FOXP4: variants seen among roughly 807,000 people sequenced by gnomAD.
FOXP4 encodes the protein forkhead box P4.
FOXP4 carries 25 observed loss-of-function variants against 82.6 expected under a neutral mutation model. The ratio of observed to expected loss-of-function variants is 0.30; its 90% CI spans 0.22 to 0.42. The LOEUF (loss-of-function observed/expected upper bound fraction) is 0.42. FOXP4 is among the 10% of genes least tolerant of loss of function. The pLI is 1.00. For missense variants in FOXP4, 785 were observed against 900.9 expected (o/e 0.87, Z 1.65); for synonymous variants, 415 against 388.2 (o/e 1.07, Z -0.81).
At chr6:41,575,125 C>T (rs997289555) in intron 2 of FOXP4, among the ~76,000 whole-genome samples, 1 of 152,102 alleles carries the variant, frequency 6.6e-6, no homozygotes, top group East Asian at 1.9e-4. Context: ...CCCACCACCA[C>T]GCCTGGCTAA....
At position 41,574,940 on chromosome 6, in the gene FOXP4, T is replaced by C. The variant is rs578158136; in HGVS notation, c.205-3046T>C. 5.3e-5 allele frequency among the ~76,000 whole-genome samples: 8 copies of C among 152,300 alleles called. No individual in the cohort carries two copies. The East Asian group carries it at 1.5e-3, about 29-fold the overall frequency. ...CCACTTCAGGCTGACTAGTTTCTTA[T>C]CATTCGTGTTTTGTTTTGTTTTGTG... On this transcript the variant is annotated intron_variant, in intron 2 of 16. Coordinates refer to ENST00000307972, the MANE Select transcript of FOXP4 (RefSeq NM_001012426.2).
chr6:41,547,742 G>A (rs1019257575), intron 1 of FOXP4, among the ~76,000 whole-genome samples: 1 of 151,868 alleles, frequency 6.6e-6, no homozygotes, highest in Non-Finnish European at 1.5e-5. Context: ...GGGCCCGGAG[G>A]CCACCAGGGA....
rs746864886 is a variant in FOXP4 at position 41,591,203 on chromosome 6, C to G, written c.1435-18C>G. On this transcript the variant is annotated intron_variant, in intron 12 of 16. Coordinates refer to ENST00000307972, the MANE Select transcript of FOXP4 (RefSeq NM_001012426.2). This position sits in a 1 kb window ranked among gnomAD's most constrained non-coding sequence, Gnocchi z 4.2. Reference sequence around the variant, plus strand: ...GAGGCCCAGGCTGACGGTCCCTTTGCTTGTTCCTTCCCCGCAGGCCATCCT... The same window carrying G: ...GAGGCCCAGGCTGACGGTCCCTTTGGTTGTTCCTTCCCCGCAGGCCATCCT... 1 of 1,595,792 alleles carries G rather than the reference C, an allele frequency of 6.3e-7. No homozygotes were observed. The highest frequency in any genetic ancestry group is 1.1e-5 in the South Asian group (1 of 88,178).
At chr6:41,555,510 G>A (rs1435335316) in intron 1 of FOXP4, among the ~76,000 whole-genome samples, 1 of 152,222 alleles carries the variant, frequency 6.6e-6, no homozygotes, top group East Asian at 1.9e-4. Flanking sequence ...ATACTCAGTG[G>A]TTTGTCCCAG....
rs188320749 is a variant in FOXP4 at position 41,585,554 on chromosome 6, C to G, written c.510+37C>G. The G allele has an allele frequency of 4.1e-5, 66 of 1,590,838 alleles. No homozygotes were observed. In the Admixed American group the frequency reaches 9.6e-4, roughly 23 times the overall value. On this transcript the variant is annotated intron_variant, in intron 5 of 16. Transcript: ENST00000307972. ...TACCAGGGCCCACCACCGCCCTCAC[C>G]CCCTGCCCAGAGCTGGGTGTCCAGA... is the stretch of plus-strand genomic sequence containing the variant.
In FOXP4 at chr6:41,570,079, GACACACACACACACACACACAC is replaced by G. The variant is rs35549847; in HGVS notation, c.204+4132_204+4153del. 6.5e-5 allele frequency: 8 copies of G among 123,902 alleles called. 1 individual carries two copies. In the Admixed American group the frequency reaches 7.1e-4, roughly 11 times the overall value. The allele number at this position is 123,902 out of a possible 1,614,324, so 7.7% of individuals were successfully genotyped here. ...GTGAATTTGCCCCCCACCACCCCCT[GACACACACACACACACACACAC>G]ACACACACACACACACGCAGTCAAC... On this transcript the variant is annotated intron_variant, in intron 2 of 16. Transcript: ENST00000307972.
At chr6:41,557,446 G>A (rs1256609846) in intron 1 of FOXP4, among the ~76,000 whole-genome samples, 8 of 152,156 alleles carry the variant, frequency 5.3e-5, no homozygotes, top group Admixed American at 3.3e-4. Context: ...AGAGTATCCT[G>A]TTCCCATTTA....
Position 41,578,112 on chromosome 6 carries a change from G to A in FOXP4, c.300+31G>A, listed in dbSNP as rs370592290. ...GAAGAGAGCACCCCGCTGGCTCTGG[G>A]TTGGGCTGGAGTGTGGGCCTGGCAC... On this transcript the variant is annotated intron_variant, in intron 3 of 16. Coordinates refer to ENST00000307972, the MANE Select transcript of FOXP4 (RefSeq NM_001012426.2). 1.6e-5 allele frequency: 25 copies of A among 1,593,746 alleles called. No individual in the cohort carries two copies. The Middle Eastern group carries it at 5.0e-4, about 32-fold the overall frequency.
chr6:41,574,622 C>T (rs1386441194), intron 2 of FOXP4, among the ~76,000 whole-genome samples: 1 of 152,136 alleles, frequency 6.6e-6, no homozygotes, highest in Non-Finnish European at 1.5e-5. Context: ...CAAGGAGGCC[C>T]CAGTCTGGTT....
chr6:41,597,060 C>T (rs1030863556), intron 14 of FOXP4, 116 bp from the exon 15 acceptor site: 50 of 1,113,988 alleles, frequency 4.5e-5, no homozygotes, highest in Middle Eastern at 2.1e-4. Flanking sequence ...CCTGGCCTCC[C>T]GGAATAGGGA....
At chr6:41,588,045 C>A (rs1053064358) in intron 8 of FOXP4, 148 bp downstream of exon 8, 8 of 595,700 alleles carry the variant, frequency 1.3e-5, no homozygotes, top group Non-Finnish European at 2.1e-5. Context: ...CTTTCTCTGC[C>A]CCCCACGGAC....
At chr6:41,567,790 A>G (rs1459113076) in intron 2 of FOXP4, among the ~76,000 whole-genome samples, 1 of 152,180 alleles carries the variant, frequency 6.6e-6, no homozygotes, top group Non-Finnish European at 1.5e-5. Context: ...TTTCCCATCT[A>G]TATTCCACAT....
rs1205860672 is a variant in FOXP4 at position 41,587,808 on chromosome 6, G to A, written c.888G>A (p.Glu296=). The A allele has an allele frequency of 3.8e-6, 6 of 1,565,020 alleles. No homozygotes were observed. The highest frequency in any genetic ancestry group is 5.2e-6 in the Non-Finnish European group (6 of 1,153,404). Residue 296 remains glutamate, a synonymous_variant, in exon 8 of 17, where the codon GAG becomes GAA. Transcript: ENST00000307972. ...TSRRDSSSHE[E]TPGSHPLYGH... is the part of the protein sequence containing the mutation. ...GTCCTCCCAGCTCTTCCCACGAGGAGACCCCCGGCTCCCACCCCCTGTACG... is the reference window on the plus strand; with the variant it reads ...GTCCTCCCAGCTCTTCCCACGAGGAAACCCCCGGCTCCCACCCCCTGTACG...
At chr6:41,556,570 C>T (rs1764290294) in intron 1 of FOXP4, among the ~76,000 whole-genome samples, 2 of 152,152 alleles carry the variant, frequency 1.3e-5, no homozygotes, top group African/African-American at 4.8e-5. Flanking sequence ...GTGATCTGCC[C>T]GCCTTGGCCT....
At chr6:41,584,081 C>T (rs1352929557) in intron 3 of FOXP4, among the ~76,000 whole-genome samples, 1 of 152,214 alleles carries the variant, frequency 6.6e-6, no homozygotes, top group Non-Finnish European at 1.5e-5. Context: ...TCCCTGCCTG[C>T]CATTCTTCCC....
intron 11 of FOXP4, 46 bp from the exon 12 acceptor site, chr6:41,590,225 T>C (rs541321499): frequency 6.2e-7 from 1 of 1,611,754 alleles, no homozygotes; most frequent in South Asian, 1.1e-5. Flanking sequence ...GTTTTTCCCA[T>C]CTGAGCCCCA....
rs780534165 is a variant in FOXP4, at chr6:41,589,979, GCTC to G, written c.1173_1175del (p.Ser392del). 94 of 1,613,738 alleles carry G rather than the reference GCTC, an allele frequency of 5.8e-5. No homozygotes were observed. Among genetic ancestry groups the G allele is most frequent in the Non-Finnish European group, 7.6e-5 (90 of 1,179,966 alleles). On this transcript the variant is annotated inframe_deletion, in exon 11 of 17. Coordinates refer to ENST00000307972, the MANE Select transcript of FOXP4 (RefSeq NM_001012426.2). Reference sequence around the variant, plus strand: ...TGCTCACAGCTGAACCCGGTCCCCGGCTCCTCCTCATTCTCCAAGGTGACCGTC... The same window carrying G: ...TGCTCACAGCTGAACCCGGTCCCCGGCTCCTCATTCTCCAAGGTGACCGTC...
intron 14 of FOXP4, among the ~76,000 whole-genome samples, chr6:41,596,854 G>A (rs1213930648): frequency 1.3e-5 from 2 of 152,062 alleles, no homozygotes; most frequent in Non-Finnish European, 2.9e-5. Flanking sequence ...GAGAAAACGG[G>A]TGGGGGGGCA....
At chr6:41,565,641 C>T in intron 1 of FOXP4, 104 bp from the exon 2 acceptor site, 1 of 1,049,546 alleles carries the variant, frequency 9.5e-7, no homozygotes, top group South Asian at 1.6e-5. Context: ...GAAGTAGATG[C>T]CCAGCTACTC....
Sources: allele counts gnomAD v4.1 joint callset (sites outside exome capture counted in the v4.1 genomes callset), GRCh38; gene constraint gnomAD v4.1.1; non-coding constraint Gnocchi (gnomAD v3.1); transcripts MANE v1.5; gene names NCBI Gene and HGNC (gene_info 2026-07-23, HGNC 2026-07-21).